AHI1: variants seen among roughly 807,000 people sequenced by gnomAD.
AHI1 encodes the protein jouberin.
A neutral mutation model predicts 149.3 loss-of-function variants in AHI1; 123 were observed. The observed-to-expected ratio is 0.82, with a 90% CI of 0.71 to 0.96. The LOEUF is 0.96. AHI1 is among the 40% of genes least tolerant of loss of function. The probability of loss-of-function intolerance (pLI) is 0.00; values close to 1 mark genes in which losing one functional copy is unlikely to be tolerated. For synonymous variants in AHI1, 475 were observed against 459.8 expected (o/e 1.03, Z -0.42); for missense variants, 1,439 against 1,422.7 (o/e 1.01, Z -0.18).
At chr6:135,449,078 G>A (rs535980733) in intron 11 of AHI1, among the ~76,000 whole-genome samples, 12 of 151,848 alleles carry the variant, frequency 7.9e-5, no homozygotes, top group Non-Finnish European at 1.6e-4. Flanking sequence ...GCAGAATCTC[G>A]CTCTGTTATC....
intron 24 of AHI1, among the ~76,000 whole-genome samples, chr6:135,333,751 T>C (rs1170539353): frequency 1.3e-5 from 2 of 152,184 alleles, no homozygotes; most frequent in African/African-American, 2.4e-5. Context: ...GAGTTTCCAG[T>C]CCTGTGTAGG....
intron 27 of AHI1, among the ~76,000 whole-genome samples, chr6:135,299,522 T>C (rs1225232456): frequency 1.3e-5 from 2 of 152,178 alleles, no homozygotes; most frequent in Non-Finnish European, 2.9e-5. Flanking sequence ...TTCAATGCTG[T>C]CACACTTCCG....
intron 23 of AHI1, among the ~76,000 whole-genome samples, chr6:135,383,013 T>C (rs1257565466): frequency 2.2e-5 from 3 of 137,338 alleles, no homozygotes; most frequent in Admixed American, 7.8e-5. Context: ...AATCACAGAA[T>C]ATAATGGCTG....
intron 14 of AHI1, among the ~76,000 whole-genome samples, chr6:135,441,016 ACAAAGACTTTCAATCCACTAT>A (rs1786214291): frequency 6.6e-6 from 1 of 152,118 alleles, no homozygotes. Flanking sequence ...GGCTTTCTCA[ACAAAGACTTTCAATCCACTAT>A]TATAAATATA....
rs1393491989 is a variant in AHI1, at chr6:135,442,724, A to G, written c.1780-10T>C. ...TTGGGATACGGCAAGCCTAAAAAAC[A>G]TACGTTTAAAAAATATAAATTAGCA... is the stretch of plus-strand genomic sequence containing the variant. On this transcript the variant is annotated splice_polypyrimidine_tract_variant and intron_variant, in intron 13 of 28. Transcript: ENST00000265602. 2 of 1,592,206 alleles carry G rather than the reference A, an allele frequency of 1.3e-6. No homozygotes were observed.
chr6:135,291,819 TA>T (rs1451432384), intron 27 of AHI1, among the ~76,000 whole-genome samples: 1 of 152,194 alleles, frequency 6.6e-6, no homozygotes, highest in African/African-American at 2.4e-5. Flanking sequence ...CACACAATCT[TA>T]ATCTTTCTGA....
chr6:135,411,390 T>G lies in AHI1; in HGVS notation c.2919A>C (p.Ser973=). 6.2e-7 allele frequency: 1 copy of G among 1,613,876 alleles called. No homozygotes were observed. Among genetic ancestry groups the G allele is most frequent in the East Asian group, 2.2e-5 (1 of 44,870 alleles). ...IDEFVHTESS[S]TKMQLVKQRL... Reference sequence around the variant, plus strand: ...TCTGTTTTACTAGCTGCATCTTCGTTGAAGAACTTTCAGTGTGGACAAATT... The same window carrying G: ...TCTGTTTTACTAGCTGCATCTTCGTGGAAGAACTTTCAGTGTGGACAAATT... Residue 973 remains serine (S), a synonymous_variant, in exon 21 of 29, where the codon TCA becomes TCC. Coordinates refer to ENST00000265602, the MANE Select transcript of AHI1 (RefSeq NM_001134831.2).
chr6:135,312,614 G>A (rs1028350780), intron 26 of AHI1, among the ~76,000 whole-genome samples: 1 of 152,222 alleles, frequency 6.6e-6, no homozygotes, highest in African/African-American at 2.4e-5. Context: ...TAAAAAACCA[G>A]TGTGATACAG....
chr6:135,468,082 T>C (rs1478488572), intron 5 of AHI1, among the ~76,000 whole-genome samples: 1 of 152,120 alleles, frequency 6.6e-6, no homozygotes, highest in Non-Finnish European at 1.5e-5. Flanking sequence ...ATTTAAAAAA[T>C]GCTGAAAGAA....
intron 12 of AHI1, 29 bp downstream of exon 12, chr6:135,448,261 T>C: frequency 1.4e-6 from 2 of 1,449,008 alleles, no homozygotes; most frequent in Non-Finnish European, 1.9e-6. Context: ...CACTAGATGA[T>C]ATACACTTAA....
At chr6:135,300,722 A>C in intron 26 of AHI1, 164 bp from the exon 27 acceptor site, 21 of 1,285,182 alleles carry the variant, frequency 1.6e-5, no homozygotes, top group Non-Finnish European at 2.1e-5. Context: ...GTCTATCAGG[A>C]CAATATATTT....
chr6:135,356,102 T>A (rs1360051324), intron 24 of AHI1, among the ~76,000 whole-genome samples: 1 of 152,152 alleles, frequency 6.6e-6, no homozygotes, highest in Non-Finnish European at 1.5e-5. Context: ...AATTGAGGGT[T>A]AGGTCTGGGG....
chr6:135,440,633 A>C (rs1333856287), intron 14 of AHI1, among the ~76,000 whole-genome samples: 1 of 152,034 alleles, frequency 6.6e-6, no homozygotes, highest in African/African-American at 2.4e-5. Context: ...GGTATACCCC[A>C]ACACACACAG....
chr6:135,335,340 A>C (rs1789216144), intron 24 of AHI1, among the ~76,000 whole-genome samples: 1 of 152,118 alleles, frequency 6.6e-6, no homozygotes, highest in Non-Finnish European at 1.5e-5. Context: ...AAAATAGAAA[A>C]ATATGCAAAC....
Position 135,283,799 on chromosome 6 carries a change from A to G in AHI1, c.*1846T>C, listed in dbSNP as rs1051888210. 2.6e-5 allele frequency: 4 copies of G among 152,030 alleles called. No individual in the cohort carries two copies. The highest frequency in any genetic ancestry group is 9.7e-5 in the African/African-American group (4 of 41,394). 9.4% of individuals were successfully genotyped at this position (152,030 alleles called of 1,614,324 possible). Reference sequence around the variant, plus strand: ...TTTCCTGGTGTTTGCTTCAACTGCTATTTTTCTCTTTAGTAGTTGCAATAT... The same window carrying G: ...TTTCCTGGTGTTTGCTTCAACTGCTGTTTTTCTCTTTAGTAGTTGCAATAT... On this transcript the variant is annotated 3_prime_UTR_variant, in exon 29 of 29. Transcript: ENST00000265602.
At chr6:135,428,883 T>C in intron 18 of AHI1, 124 bp from the exon 19 acceptor site, 1 of 811,452 alleles carries the variant, frequency 1.2e-6, no homozygotes, top group Non-Finnish European at 1.9e-6. Context: ...ATCTGCCATA[T>C]GGGAGACATT....
In AHI1 at chr6:135,337,711, G is replaced by A. The variant is rs1428567146; in HGVS notation, c.3166-14387C>T. The stretch of plus-strand genomic sequence containing the variant: ...CAGGAGGTCAAGGCTGCAGTGAGCC[G>A]TGATGATGTTGCTACTGCACTCCAG... On this transcript the variant is annotated intron_variant, in intron 24 of 28. Transcript: ENST00000265602. Among the ~76,000 whole-genome samples the A allele has an allele frequency of 3.4e-5, 5 of 145,544 alleles. No homozygotes were observed. In the East Asian group the frequency reaches 6.5e-4, roughly 19 times the overall value.
intron 24 of AHI1, among the ~76,000 whole-genome samples, chr6:135,326,729 T>G (rs1787760498): frequency 6.6e-6 from 1 of 150,834 alleles, no homozygotes; most frequent in Non-Finnish European, 1.5e-5. Flanking sequence ...CTCAGCCAAT[T>G]TTTGTATTTG....
chr6:135,402,347 T>C (rs1780136227), intron 22 of AHI1, among the ~76,000 whole-genome samples: 1 of 152,154 alleles, frequency 6.6e-6, no homozygotes, highest in African/African-American at 2.4e-5. Context: ...AGAATATATA[T>C]CCACACCAAA....
Sources: allele counts gnomAD v4.1 joint callset (sites outside exome capture counted in the v4.1 genomes callset), GRCh38; gene constraint gnomAD v4.1.1; transcripts MANE v1.5; gene names NCBI Gene and HGNC (gene_info 2026-07-23, HGNC 2026-07-21).